The following CTDP1 variants were observed in gnomAD, a reference collection of about 807,000 sequenced individuals.
CTDP1 encodes CTD phosphatase 1.
CTDP1 carries 47 observed loss-of-function variants against 91.8 expected under a neutral mutation model. That is an observed-to-expected ratio of 0.51 (90% CI 0.41 to 0.65). The LOEUF (loss-of-function observed/expected upper bound fraction) is 0.65. Among genes scored for constraint, CTDP1 ranks in the 30% least tolerant of loss-of-function variants. The pLI is 0.00. For synonymous variants in CTDP1, 656 were observed against 598.5 expected (o/e 1.10, Z -1.40); for missense variants, 1,272 against 1,373.7 (o/e 0.93, Z 1.17).
In CTDP1 at chr18:79,749,354, CT is replaced by C. The variant is rs974002273; in HGVS notation, c.2748-4297del. 3.7e-4 allele frequency among the ~76,000 whole-genome samples: 56 copies of C among 152,158 alleles called. 1 individual carries two copies. Among genetic ancestry groups the C allele is most frequent in the East Asian group, 1.9e-3 (10 of 5,150 alleles). On this transcript the variant is annotated intron_variant, in intron 12 of 12. Coordinates refer to ENST00000613122, the MANE Select transcript of CTDP1 (RefSeq NM_004715.5). ...CCTGCCCCTGCTCTGCTCAGTGCCC[CT>C]GATACGTCCAACCCAGCGTCGCTGT...
At position 79,712,925 on chromosome 18, in the gene CTDP1, C is replaced by T. The variant is rs367630262; in HGVS notation, c.864-47C>T. The stretch of plus-strand genomic sequence containing the variant: ...TTACGCTTGGCAAGATGAATGACTA[C>T]AACTTTTCATTATTATTTTTTGTAA... On this transcript the variant is annotated intron_variant, in intron 6 of 12. Coordinates refer to ENST00000613122, the MANE Select transcript of CTDP1 (RefSeq NM_004715.5). The T allele has an allele frequency of 6.3e-6, 10 of 1,595,878 alleles. 1 individual carries two copies. In the South Asian group the frequency reaches 9.9e-5, roughly 16 times the overall value.
At chr18:79,716,367 C>T (rs185694845) in intron 8 of CTDP1, among the ~76,000 whole-genome samples, 6 of 152,290 alleles carry the variant, frequency 3.9e-5, no homozygotes, top group African/African-American at 9.6e-5. Flanking sequence ...TATCATGGGG[C>T]GTTGGACACG....
At chr18:79,733,524 G>T (rs924207807) in intron 11 of CTDP1, among the ~76,000 whole-genome samples, 1 of 151,900 alleles carries the variant, frequency 6.6e-6, no homozygotes, top group Non-Finnish European at 1.5e-5. Context: ...CTGCAGCTGC[G>T]TTACCTCGTT....
At chr18:79,717,411 C>T (rs747653189) in intron 8 of CTDP1, 124 bp from the exon 9 acceptor site, 119 of 1,393,160 alleles carry the variant, frequency 8.5e-5, no homozygotes, top group East Asian at 4.0e-4. Flanking sequence ...GGGATGCAGC[C>T]GAGTGAGGGC....
intron 12 of CTDP1, among the ~76,000 whole-genome samples, chr18:79,740,629 C>G (rs939175274): frequency 6.6e-6 from 1 of 152,214 alleles, no homozygotes; most frequent in African/African-American, 2.4e-5. Flanking sequence ...TGTCAGTGCT[C>G]TAGCTGGTGG....
At position 79,732,245 on chromosome 18, in the gene CTDP1, A is replaced by G. The variant is rs561732771; in HGVS notation, c.2580+3176A>G. On this transcript the variant is annotated intron_variant, in intron 11 of 12. Coordinates refer to ENST00000613122, the MANE Select transcript of CTDP1 (RefSeq NM_004715.5). ...ACATGAGACTTGAGAACTCACTAAC[A>G]TGAGAAGTGCTCCCAAAATCACAGA... 1.0e-3 allele frequency among the ~76,000 whole-genome samples: 153 copies of G among 149,838 alleles called. 1 individual carries two copies. The highest frequency in any genetic ancestry group is 1.6e-3 in the Admixed American group (24 of 15,072).
At chr18:79,719,859 T>A (rs1040796363) in intron 10 of CTDP1, among the ~76,000 whole-genome samples, 1 of 149,300 alleles carries the variant, frequency 6.7e-6, no homozygotes, top group African/African-American at 2.5e-5. Context: ...GTCCTGGTGA[T>A]GCTGTCACCT....
At chr18:79,735,246 C>T (rs1191931763) in intron 11 of CTDP1, among the ~76,000 whole-genome samples, 1 of 152,168 alleles carries the variant, frequency 6.6e-6, no homozygotes, top group African/African-American at 2.4e-5. Flanking sequence ...AGGTCGGCGT[C>T]GGTGAGTGCC....
rs111559459 is a variant in CTDP1, at chr18:79,709,110, T to C, written c.773-1236T>C. Among the ~76,000 whole-genome samples the C allele has an allele frequency of 8.1e-3, 1,239 of 152,348 alleles. 8 individuals carry two copies. The highest frequency in any genetic ancestry group is 0.013 in the Non-Finnish European group (852 of 68,014). On this transcript the variant is annotated intron_variant, in intron 5 of 12. Coordinates refer to ENST00000613122, the MANE Select transcript of CTDP1 (RefSeq NM_004715.5). ...TTCTCTCCAGAATGTTTTAAATGGC[T>C]GGTGAAATTAAATTGACATTGAACT...
At chr18:79,716,708 G>C (rs879734205) in intron 8 of CTDP1, among the ~76,000 whole-genome samples, 1 of 152,220 alleles carries the variant, frequency 6.6e-6, no homozygotes, top group Admixed American at 6.5e-5. Context: ...CGCCTGCCCT[G>C]TCCTGTGAGT....
chr18:79,736,001 T>C (rs1011249447), intron 11 of CTDP1: 2 of 288,590 alleles, frequency 6.9e-6, no homozygotes, highest in Non-Finnish European at 1.4e-5. Flanking sequence ...GGAGTCTTGC[T>C]GTGAATCTCA....
chr18:79,688,025 G>C (rs541211151), intron 1 of CTDP1, among the ~76,000 whole-genome samples: 17 of 152,352 alleles, frequency 1.1e-4, no homozygotes, highest in African/African-American at 4.1e-4. Context: ...AGGCTGGGCT[G>C]CCCTTGTTCC....
intron 12 of CTDP1, among the ~76,000 whole-genome samples, chr18:79,737,161 G>A (rs117995292): frequency 0.03 from 4,570 of 152,336 alleles, 113 homozygotes; most frequent in Admixed American, 0.045. Context: ...GCGTTTGGCC[G>A]CAACAGCGCA....
intron 4 of CTDP1, among the ~76,000 whole-genome samples, chr18:79,701,377 G>A (rs905915962): frequency 6.6e-6 from 1 of 151,950 alleles, no homozygotes; most frequent in Admixed American, 6.6e-5. Context: ...GGGTGTGGTG[G>A]CGGGTGCCTG....
At chr18:79,704,342 T>C (rs1371807442) in intron 4 of CTDP1, among the ~76,000 whole-genome samples, 1 of 151,674 alleles carries the variant, frequency 6.6e-6, no homozygotes, top group Non-Finnish European at 1.5e-5. Flanking sequence ...AAACGCATCC[T>C]CTGTCCCACG....
rs1175311593 is a variant in CTDP1 at position 79,740,131 on chromosome 18, C to T, written c.2747+3610C>T. 1.4e-4 allele frequency among the ~76,000 whole-genome samples: 11 copies of T among 76,276 alleles called. No homozygotes were observed. In the East Asian group the frequency reaches 3.0e-3, roughly 21 times the overall value. 50.0% of individuals were successfully genotyped at this position (76,276 alleles called of 152,430 possible). On this transcript the variant is annotated intron_variant, in intron 12 of 12. Coordinates refer to ENST00000613122, the MANE Select transcript of CTDP1 (RefSeq NM_004715.5). ...GGGACGGGTGGGACTCTCATACCCA[C>T]GGCCGGGACGGGTGGGACTCTCATA...
In CTDP1 at chr18:79,715,293, C is replaced by T; in HGVS notation, c.1833C>T (p.Tyr611=). ...HTDYYAKYDR[Y]LNKEIEEAPD... ...ACTACTATGCCAAGTATGACCGCTA[C>T]CTCAACAAGGAGATCGAGGAGGCGC... Residue 611 remains tyrosine, a synonymous_variant, in exon 8 of 13, where the codon TAC becomes TAT. Transcript: ENST00000613122. 1 of 1,610,456 alleles carries T rather than the reference C, an allele frequency of 6.2e-7. No homozygotes were observed. Among genetic ancestry groups the T allele is most frequent in the Non-Finnish European group, 8.5e-7 (1 of 1,178,368 alleles).
chr18:79,685,786 G>A (rs1022730197), intron 1 of CTDP1, among the ~76,000 whole-genome samples: 8 of 152,134 alleles, frequency 5.3e-5, no homozygotes, highest in African/African-American at 1.9e-4. Context: ...CTAAGGGTCC[G>A]GTCCTGGAAA....
At position 79,710,440 on chromosome 18, in the gene CTDP1, T is replaced by C; in HGVS notation, c.863+4T>C. The stretch of plus-strand genomic sequence containing the variant: ...TTTCTAAAACGGGAAACCTTAGGTA[T>C]GTACCCAGCCGCGCTCCTCACAAAG... On this transcript the variant is annotated splice_donor_region_variant and intron_variant, in intron 6 of 12. Coordinates refer to ENST00000613122, the MANE Select transcript of CTDP1 (RefSeq NM_004715.5). 1.2e-6 allele frequency: 2 copies of C among 1,607,142 alleles called. No individual in the cohort carries two copies. Among genetic ancestry groups the C allele is most frequent in the East Asian group, 2.2e-5 (1 of 44,852 alleles).
Sources: allele counts gnomAD v4.1 joint callset (sites outside exome capture counted in the v4.1 genomes callset), GRCh38; gene constraint gnomAD v4.1.1; transcripts MANE v1.5; gene names NCBI Gene and HGNC (gene_info 2026-07-23, HGNC 2026-07-21).